SLC22A14: variants seen among roughly 807,000 people sequenced by gnomAD.
SLC22A14 encodes solute carrier family 22 member 14.
Under a neutral mutation model 53.9 loss-of-function variants are expected in SLC22A14, and 50 were observed. The ratio of observed to expected loss-of-function variants is 0.93; its 90% confidence interval spans 0.74 to 1.17. The LOEUF is 1.17. Ranked by LOEUF, SLC22A14 falls within the 50% of genes most tolerant of loss-of-function variation. The pLI is 0.00. For missense variants in SLC22A14, 671 were observed against 734.7 expected, an observed-to-expected ratio of 0.91 and a Z score of 1.00; for synonymous variants, 312 against 303.0, an observed-to-expected ratio of 1.03 and a Z score of -0.31.
At chr3:38,308,584 C>T (rs11129785) in intron 4 of SLC22A14, among the ~76,000 whole-genome samples, 39,342 of 152,210 alleles carry the variant, frequency 0.26, 6,326 homozygotes, top group South Asian at 0.44. Context: ...GGCCAAAGCA[C>T]GAATACACTC....
chr3:38,305,676 C>T, intron 1 of SLC22A14: 1 of 236,320 alleles, frequency 4.2e-6, no homozygotes, highest in Non-Finnish European at 8.2e-6. Context: ...GAGACCTCTC[C>T]TACCTTTTGC....
intron 1 of SLC22A14, among the ~76,000 whole-genome samples, chr3:38,299,571 C>A (rs1704115107): frequency 6.6e-6 from 1 of 152,110 alleles, no homozygotes; most frequent in Non-Finnish European, 1.5e-5. Context: ...CATAATGTCA[C>A]TTTTTATTTT....
chr3:38,318,077 G>A, intron 10 of SLC22A14, 121 bp from the exon 11 acceptor site: 1 of 848,088 alleles, frequency 1.2e-6, no homozygotes, highest in South Asian at 1.5e-5. Flanking sequence ...GGACCTGCCG[G>A]AGTGAGAAAG....
At chr3:38,311,889 T>G (rs1359921493) in intron 5 of SLC22A14, among the ~76,000 whole-genome samples, 3 of 152,232 alleles carry the variant, frequency 2.0e-5, no homozygotes, top group Admixed American at 2.0e-4. Context: ...CCCTGAGAGT[T>G]GGTATCCTTT....
chr3:38,287,274 C>T (rs1038164000), intron 1 of SLC22A14, among the ~76,000 whole-genome samples: 7 of 152,114 alleles, frequency 4.6e-5, no homozygotes, highest in African/African-American at 1.7e-4. Context: ...CTACAATTTA[C>T]ACATTCTTAT....
intron 10 of SLC22A14, 137 bp from the exon 11 acceptor site, chr3:38,318,061 G>A (rs1223577354): frequency 4.1e-6 from 3 of 734,164 alleles, no homozygotes; most frequent in African/African-American, 1.7e-5. Flanking sequence ...GGCAAAGCTC[G>A]GCTGGGGACC....
chr3:38,300,626 G>A (rs1704139351), intron 1 of SLC22A14, among the ~76,000 whole-genome samples: 2 of 152,164 alleles, frequency 1.3e-5, no homozygotes, highest in East Asian at 3.9e-4. Context: ...AGCAACATGT[G>A]TGAAGTCTTT....
chr3:38,305,951 G>A (rs1186125171), intron 1 of SLC22A14, 76 bp from the exon 2 acceptor site: 31 of 1,446,312 alleles, frequency 2.1e-5, no homozygotes, highest in South Asian at 1.1e-4. Context: ...GTTCCTAGTC[G>A]GTGGCTCCCA....
chr3:38,314,033 A>G, intron 8 of SLC22A14, 92 bp downstream of exon 8: 1 of 1,038,730 alleles, frequency 9.6e-7, no homozygotes, highest in Non-Finnish European at 1.5e-6. Context: ...GGCCACCTAG[A>G]CACCCTGGGA....
At chr3:38,316,842 GGCTCCCTCTCCTC>G (rs767729264) in intron 10 of SLC22A14, among the ~76,000 whole-genome samples, 1 of 152,090 alleles carries the variant, frequency 6.6e-6, no homozygotes, top group Non-Finnish European at 1.5e-5. Flanking sequence ...TCCTCCCAGA[GGCTCCCTCTCCTC>G]CCAGGGACAG....
intron 1 of SLC22A14, among the ~76,000 whole-genome samples, chr3:38,300,939 C>T (rs970549072): frequency 6.6e-6 from 1 of 152,104 alleles, no homozygotes; most frequent in Non-Finnish European, 1.5e-5. Context: ...CCACCCAGGG[C>T]GCTAGGACTA....
chr3:38,295,303 A>G (rs1704004932), intron 1 of SLC22A14, among the ~76,000 whole-genome samples: 1 of 152,276 alleles, frequency 6.6e-6, no homozygotes, highest in Admixed American at 6.5e-5. Flanking sequence ...TTTTTGAGTT[A>G]GTAAGCTACC....
chr3:38,284,251 G>A (rs1233046917), intron 1 of SLC22A14, among the ~76,000 whole-genome samples: 3 of 152,216 alleles, frequency 2.0e-5, no homozygotes, highest in South Asian at 2.1e-4. Flanking sequence ...ATAGTAGAGC[G>A]AGGGGCTCAT....
At position 38,307,785 on chromosome 3, in the gene SLC22A14, C is replaced by A; in HGVS notation, c.775+65C>A. On this transcript the variant is annotated intron_variant, in intron 4 of 10. Transcript: ENST00000448498. The surrounding 1 kb of genome is among the most constrained non-coding windows in gnomAD (Gnocchi z 4.4). ...GGGGCATGGCGGCATAGGCGGGTGA[C>A]AAGGGGACATAGTGGCAGGGGGCGT... The A allele has an allele frequency of 6.4e-7, 1 of 1,571,722 alleles. No individual in the cohort carries two copies. The highest frequency in any genetic ancestry group is 1.1e-5 in the South Asian group (1 of 87,754).
chr3:38,279,383 C>T (rs1703622088), upstream of SLC22A14, among the ~76,000 whole-genome samples: 2 of 152,214 alleles, frequency 1.3e-5, no homozygotes, highest in African/African-American at 4.8e-5. Flanking sequence ...GATATGGACA[C>T]TTGCTCCCTT....
In SLC22A14 at chr3:38,307,508, G is replaced by T; in HGVS notation, c.621-58G>T. ...TCAGGGCCTGGCCCAGGTGTATCCGGCTGGGGCCAGCCCGGGAGATCCCGG... is the reference window on the plus strand; with the variant it reads ...TCAGGGCCTGGCCCAGGTGTATCCGTCTGGGGCCAGCCCGGGAGATCCCGG... On this transcript the variant is annotated intron_variant, in intron 3 of 10. Coordinates refer to ENST00000448498, the MANE Select transcript of SLC22A14 (RefSeq NM_001320033.2). The surrounding 1 kb of genome is among the most constrained non-coding windows in gnomAD (Gnocchi z 4.4). 1.1e-5 allele frequency: 18 copies of T among 1,602,262 alleles called. No individual in the cohort carries two copies. The highest frequency in any genetic ancestry group is 1.5e-5 in the Non-Finnish European group (18 of 1,173,286).
rs371049812 is a variant in SLC22A14 at position 38,313,702 on chromosome 3, G to A, written c.1164-25G>A. The A allele has an allele frequency of 1.8e-4, 286 of 1,556,506 alleles. 4 individuals carry two copies. The highest frequency in any genetic ancestry group is 5.9e-4 in the South Asian group (53 of 90,246). ...CGTGTGTGTGCGCGCGTGTGCACGCGCACTTGCCTCCTGGCTTCATCCAGG... is the reference window on the plus strand; with the variant it reads ...CGTGTGTGTGCGCGCGTGTGCACGCACACTTGCCTCCTGGCTTCATCCAGG... On this transcript the variant is annotated intron_variant, in intron 7 of 10. Transcript: ENST00000448498.
At chr3:38,294,213 G>A (rs1223877043) in intron 1 of SLC22A14, among the ~76,000 whole-genome samples, 3 of 151,806 alleles carry the variant, frequency 2.0e-5, no homozygotes, top group Admixed American at 6.6e-5. Flanking sequence ...GGAAGGAGTC[G>A]GGGGGACACT....
intron 5 of SLC22A14, among the ~76,000 whole-genome samples, chr3:38,312,133 G>A (rs1161351840): frequency 1.3e-5 from 2 of 152,262 alleles, no homozygotes; most frequent in African/African-American, 4.8e-5. Context: ...CGGGGAGGGA[G>A]TGCTGGTATA....
Sources: gnomAD v4.1 joint callset for allele counts (sites outside exome capture counted in the v4.1 genomes callset) on GRCh38, gnomAD v4.1.1 for gene constraint, Gnocchi (gnomAD v3.1) non-coding constraint, MANE v1.5 for transcripts, NCBI Gene and HGNC (gene_info 2026-07-23, HGNC 2026-07-21) for gene names.